CHERP: variants seen among roughly 807,000 people sequenced by gnomAD.
The protein encoded by CHERP is ERPROT 213-21.
Under a neutral mutation model 113.8 loss-of-function variants are expected in CHERP, and 8 were observed. That is an observed-to-expected ratio of 0.07 (90% CI 0.04 to 0.13). The LOEUF is 0.13. CHERP is among the 10% of genes least tolerant of loss of function. CHERP has a pLI of 1.00. For synonymous variants in CHERP, 559 were observed against 524.5 expected (o/e 1.07, Z -0.90); for missense variants, 884 against 1,298.2 (o/e 0.68, Z 4.90).
chr19:16,521,389 A>T, intron 12 of CHERP, 132 bp downstream of exon 12: 1 of 751,744 alleles, frequency 1.3e-6, no homozygotes, highest in Non-Finnish European at 2.1e-6. Flanking sequence ...CACACTTGTC[A>T]CTCAGGCGGG....
chr19:16,532,936 A>C lies in CHERP; in HGVS notation c.522+75T>G. The C allele has an allele frequency of 1.3e-6, 2 of 1,539,712 alleles. No homozygotes were observed. The highest frequency in any genetic ancestry group is 2.4e-5 in the East Asian group (1 of 41,120). On this transcript the variant is annotated intron_variant, in intron 4 of 16. Coordinates refer to ENST00000546361, the MANE Select transcript of CHERP (RefSeq NM_006387.6). The surrounding 1 kb of genome is among the most constrained non-coding windows in gnomAD (Gnocchi z 4.4). ...CACCCATTGTAACAGCCCTTAGCCC[A>C]GATTGGCTACGACAGGCCCTGCCTC...
In CHERP at chr19:16,542,414, C is replaced by G. The variant is rs374920952; in HGVS notation, c.-36G>C. On this transcript the variant is annotated 5_prime_UTR_variant, in exon 1 of 17. Transcript: ENST00000546361. ...GCGGGGAACGTCCTCCGGCGCCACA[C>G]GATCGACCACCAGCGCCGTCTGCGG... 2.2e-6 allele frequency: 3 copies of G among 1,338,588 alleles called. No individual in the cohort carries two copies. Among genetic ancestry groups the G allele is most frequent in the South Asian group, 2.4e-5 (1 of 41,942 alleles). 82.9% of individuals were successfully genotyped at this position (1,338,588 alleles called of 1,614,324 possible).
intron 2 of CHERP, among the ~76,000 whole-genome samples, chr19:16,537,311 C>T (rs531245086): frequency 5.9e-5 from 9 of 152,180 alleles, no homozygotes; most frequent in African/African-American, 9.6e-5. Context: ...ACCCCTCTCC[C>T]GTTGGACCCT....
At position 16,529,697 on chromosome 19, in the gene CHERP, T is replaced by C; in HGVS notation, c.1080A>G (p.Pro360=). 1.3e-6 allele frequency: 2 copies of C among 1,575,274 alleles called. No individual in the cohort carries two copies. Among genetic ancestry groups the C allele is most frequent in the South Asian group, 2.3e-5 (2 of 87,704 alleles). The part of the protein sequence containing the change: ...EVKATPPPPA[P]PPAPAPAPAI... The stretch of plus-strand genomic sequence containing the variant: ...CAGGGGCAGGTGCTGGGGCCGGGGG[T>C]GGAGCAGGCGGTGGAGGCGTGGCCT... Residue 360 remains proline (P), a synonymous_variant, in exon 8 of 17, where the codon CCA becomes CCG. Transcript: ENST00000546361.
At chr19:16,536,103 A>G (rs894242369) in intron 2 of CHERP, among the ~76,000 whole-genome samples, 8 of 152,098 alleles carry the variant, frequency 5.3e-5, no homozygotes, top group Non-Finnish European at 2.9e-5. Context: ...GCCTCTGCAC[A>G]TCTGGCCAGA....
At chr19:16,521,367 G>A in intron 12 of CHERP, 154 bp downstream of exon 12, 1 of 649,228 alleles carries the variant, frequency 1.5e-6, no homozygotes. Flanking sequence ...CGTGTGTGCT[G>A]TGCCTGTGAC....
chr19:16,520,731 A>G lies in CHERP; in HGVS notation c.2201+95T>C. 7.7e-7 allele frequency: 1 copy of G among 1,293,598 alleles called. No homozygotes were observed. The highest frequency in any genetic ancestry group is 1.1e-6 in the Non-Finnish European group (1 of 896,844). The allele number at this position is 1,293,598 out of a possible 1,614,324, so 80.1% of individuals were successfully genotyped here. On this transcript the variant is annotated intron_variant, in intron 13 of 16. Coordinates refer to ENST00000546361, the MANE Select transcript of CHERP (RefSeq NM_006387.6). The surrounding 1 kb of genome is among the most constrained non-coding windows in gnomAD (Gnocchi z 4.0). ...CCGCCCCATAGGCACAGGCTGTGTG[A>G]GGGTGGACGTGATGAGTGTATCTGG... is the stretch of plus-strand genomic sequence containing the variant.
chr19:16,535,429 C>A lies in CHERP; in HGVS notation c.384+23G>T. 1 of 1,600,736 alleles carries A rather than the reference C, an allele frequency of 6.2e-7. No individual in the cohort carries two copies. The highest frequency in any genetic ancestry group is 8.5e-7 in the Non-Finnish European group (1 of 1,174,322). On this transcript the variant is annotated intron_variant, in intron 3 of 16. Transcript: ENST00000546361. The surrounding 1 kb of genome is among the most constrained non-coding windows in gnomAD (Gnocchi z 4.3). ...GCACAGGGGAGCTGCTGGTGTCTGGCCGAGGAGGCGGCGGGCCCATACCTG... is the reference window on the plus strand; with the variant it reads ...GCACAGGGGAGCTGCTGGTGTCTGGACGAGGAGGCGGCGGGCCCATACCTG...
At chr19:16,536,389 CCTCT>C (rs2085741997) in intron 2 of CHERP, among the ~76,000 whole-genome samples, 1 of 152,150 alleles carries the variant, frequency 6.6e-6, no homozygotes, top group South Asian at 2.1e-4. Flanking sequence ...AGATGACCTG[CCTCT>C]CTCTCCGTCT....
chr19:16,529,863 G>A lies in CHERP; in HGVS notation c.914C>T (p.Pro305Leu). The change falls in exon 8 of 17, where the codon CCG becomes CTG. Residue 305 changes from proline (P) to leucine (L), a missense_variant. Physicochemically the swap from Pro to Leu is moderately conservative, Grantham distance 98. Coordinates refer to ENST00000546361, the MANE Select transcript of CHERP (RefSeq NM_006387.6). ...LINEYSSVVQ[P>L]VQLAFQQQIQ... ...CTGCTGCTGGAAGGCCAGCTGCACC[G>A]GCTGGACCACTGAGGAGTACTCGTT... The A allele has an allele frequency of 1.9e-6, 3 of 1,613,778 alleles. No individual in the cohort carries two copies. Among genetic ancestry groups the A allele is most frequent in the Non-Finnish European group, 2.5e-6 (3 of 1,179,962 alleles).
chr19:16,528,015 A>C, intron 9 of CHERP, 65 bp downstream of exon 9: 2 of 1,506,636 alleles, frequency 1.3e-6, no homozygotes, highest in Non-Finnish European at 1.8e-6. Flanking sequence ...CAACTGGCAT[A>C]GGGGAGGCTA....
Position 16,525,047 on chromosome 19 carries a change from C to T in CHERP, c.1741+195G>A, listed in dbSNP as rs2085647595. On this transcript the variant is annotated intron_variant, in intron 10 of 16. Transcript: ENST00000546361. The surrounding 1 kb of genome is among the most constrained non-coding windows in gnomAD (Gnocchi z 6.5). ...GCCTCATCTGCAGCCAGCCGGGCCT[C>T]ATCAGGGCGGCAAAACTGAGTCTGT... Among the ~76,000 whole-genome samples the T allele has an allele frequency of 6.6e-6, 1 of 152,218 alleles. No individual in the cohort carries two copies. Among genetic ancestry groups the T allele is most frequent in the Admixed American group, 6.5e-5 (1 of 15,284 alleles).
chr19:16,539,304 C>T (rs539703320), intron 2 of CHERP, among the ~76,000 whole-genome samples: 44 of 151,870 alleles, frequency 2.9e-4, no homozygotes, highest in Non-Finnish European at 5.6e-4. Flanking sequence ...CCCGCTACCA[C>T]GCCTGGCTAA....
chr19:16,521,662 A>G lies in CHERP; in HGVS notation c.1981-8T>C. 1 of 1,565,562 alleles carries G rather than the reference A, an allele frequency of 6.4e-7. No homozygotes were observed. The highest frequency in any genetic ancestry group is 2.3e-5 in the East Asian group (1 of 43,016). On this transcript the variant is annotated splice_polypyrimidine_tract_variant and splice_region_variant and intron_variant, in intron 11 of 16. Transcript: ENST00000546361. Reference sequence around the variant, plus strand: ...GTACTCGTGATCTTCCAGCTGCAGCAGAGAACCCCAGCTGTCACCATGCCT... The same window carrying G: ...GTACTCGTGATCTTCCAGCTGCAGCGGAGAACCCCAGCTGTCACCATGCCT...
At chr19:16,521,382 A>G in intron 12 of CHERP, 139 bp downstream of exon 12, 1 of 709,344 alleles carries the variant, frequency 1.4e-6, no homozygotes, top group Non-Finnish European at 2.2e-6. Flanking sequence ...TGTGACACAC[A>G]CTTGTCACTC....
intron 12 of CHERP, chr19:16,521,141 G>A: frequency 3.3e-6 from 2 of 598,260 alleles, no homozygotes; most frequent in Non-Finnish European, 6.0e-6. Flanking sequence ...CTGTTCCGCT[G>A]AGGTGGTGGG....
At chr19:16,529,355 G>C (rs987972813) in intron 8 of CHERP, among the ~76,000 whole-genome samples, 13 of 152,158 alleles carry the variant, frequency 8.5e-5, no homozygotes, top group African/African-American at 3.1e-4. Flanking sequence ...CTTCCTGCCT[G>C]ATGTAATAGT....
At chr19:16,528,305 T>C (rs1189077700) in intron 8 of CHERP, 50 bp from the exon 9 acceptor site, 2 of 1,506,998 alleles carry the variant, frequency 1.3e-6, no homozygotes, top group Non-Finnish European at 1.8e-6. Flanking sequence ...CAGGAGGCGC[T>C]GTCTCCTCTC....
rs2085714535 is a variant in CHERP at position 16,532,664 on chromosome 19, G to A, written c.608C>T (p.Ala203Val). 2.5e-6 allele frequency: 4 copies of A among 1,613,412 alleles called. No homozygotes were observed. The highest frequency in any genetic ancestry group is 3.4e-6 in the Non-Finnish European group (4 of 1,179,934). Residue 203 changes from alanine to valine, a missense_variant, in exon 5 of 17, where the codon GCT (alanine) becomes GTT (valine). By Grantham distance (64) the Ala-to-Val change is moderately conservative (BLOSUM62 0). Coordinates refer to ENST00000546361, the MANE Select transcript of CHERP (RefSeq NM_006387.6). The surrounding 1 kb of genome is among the most constrained non-coding windows in gnomAD (Gnocchi z 4.4). ...CCGCAGCTCGAAGTGTGCCCCATCA[G>A]CCGTGATGCGGTTCCGGAGGTGGCC... Reference protein sequence around the residue: ...MAGHLRNRITADGAHFELRLH... With the variant: ...MAGHLRNRITVDGAHFELRLH...
Sources: gnomAD v4.1 joint callset for allele counts (sites outside exome capture counted in the v4.1 genomes callset) on GRCh38, gnomAD v4.1.1 for gene constraint, Gnocchi (gnomAD v3.1) non-coding constraint, MANE v1.5 for transcripts, NCBI Gene and HGNC (gene_info 2026-07-23, HGNC 2026-07-21) for gene names.